UBE2E2: variants seen among roughly 807,000 people sequenced by gnomAD.
UBE2E2 encodes ubiquitin conjugating enzyme E2 E2.
A neutral mutation model predicts 24.7 loss-of-function variants in UBE2E2; 6 were observed. The observed-to-expected ratio is 0.24, with a 90% CI of 0.13 to 0.48. The LOEUF (loss-of-function observed/expected upper bound fraction) is 0.48. UBE2E2 is among the 20% of genes least tolerant of loss of function. The probability of loss-of-function intolerance (pLI) is 0.99; values close to 1 mark genes in which losing one functional copy is unlikely to be tolerated. For missense variants in UBE2E2, 169 were observed against 245.0 expected (o/e 0.69, Z 2.07); for synonymous variants, 104 against 83.6 (o/e 1.24, Z -1.33).
At chr3:23,534,921 TA>T (rs1247198005) in intron 5 of UBE2E2, among the ~76,000 whole-genome samples, 3 of 152,114 alleles carry the variant, frequency 2.0e-5, no homozygotes, top group Admixed American at 2.0e-4. Context: ...TTAACTCACT[TA>T]AAAAATACTT....
intron 3 of UBE2E2, among the ~76,000 whole-genome samples, chr3:23,349,497 G>T (rs565327248): frequency 6.6e-6 from 1 of 152,302 alleles, no homozygotes; most frequent in African/African-American, 2.4e-5. Flanking sequence ...AGGGGTGACA[G>T]ACGGCACCTG....
chr3:23,266,189 A>G (rs1357162641), intron 3 of UBE2E2, among the ~76,000 whole-genome samples: 2 of 152,122 alleles, frequency 1.3e-5, no homozygotes, highest in African/African-American at 2.4e-5. Context: ...TCCTGTCATT[A>G]TGATGTTAGT....
In UBE2E2 at chr3:23,485,406, C is replaced by T. The variant is rs141701257; in HGVS notation, c.228-14202C>T. 7.4e-4 allele frequency among the ~76,000 whole-genome samples: 113 copies of T among 152,262 alleles called. 1 individual carries two copies. The highest frequency in any genetic ancestry group is 2.3e-3 in the African/African-American group (97 of 41,564). On this transcript the variant is annotated intron_variant, in intron 3 of 5. Coordinates refer to ENST00000396703, the MANE Select transcript of UBE2E2 (RefSeq NM_152653.4). ...GCCTCCACGCCTGGCCTCAACACTA[C>T]CTCTTGTTGGCAATCAATCAATATC...
chr3:23,578,158 C>T (rs191653719), intron 5 of UBE2E2, among the ~76,000 whole-genome samples: 18 of 151,902 alleles, frequency 1.2e-4, no homozygotes, highest in African/African-American at 2.4e-4. Flanking sequence ...AGAAGACATA[C>T]GTGTGGCCAA....
rs1011678341 is a variant in UBE2E2 at position 23,453,844 on chromosome 3, A to G, written c.228-45764A>G. 8.5e-5 allele frequency among the ~76,000 whole-genome samples: 13 copies of G among 152,286 alleles called. No individual in the cohort carries two copies. The East Asian group carries it at 1.9e-3, about 23-fold the overall frequency. ...ATCTCTTCATTGTGAAGATGTTACA[A>G]ATATCTTGATAGGGGAAGAAACTTT... On this transcript the variant is annotated intron_variant, in intron 3 of 5. Transcript: ENST00000396703.
At chr3:23,249,537 A>G (rs746973929) in intron 3 of UBE2E2, among the ~76,000 whole-genome samples, 4 of 152,208 alleles carry the variant, frequency 2.6e-5, no homozygotes, top group Admixed American at 6.5e-5. Context: ...ATTCAGGATA[A>G]ACGTAGTTAA....
chr3:23,487,025 T>C (rs570864286), intron 3 of UBE2E2, among the ~76,000 whole-genome samples: 111 of 152,308 alleles, frequency 7.3e-4, no homozygotes, highest in African/African-American at 2.6e-3. Context: ...GTGCCCAGGC[T>C]GTCTATGCTG....
At chr3:23,221,840 T>G (rs1382341198) in intron 3 of UBE2E2, among the ~76,000 whole-genome samples, 1 of 152,212 alleles carries the variant, frequency 6.6e-6, no homozygotes, top group Non-Finnish European at 1.5e-5. Flanking sequence ...TTTCACCGTG[T>G]TGGCCAGGCT....
At chr3:23,353,940 G>T (rs1391952903) in intron 3 of UBE2E2, among the ~76,000 whole-genome samples, 1 of 152,114 alleles carries the variant, frequency 6.6e-6, no homozygotes, top group Non-Finnish European at 1.5e-5. Flanking sequence ...TCAGTCCTAA[G>T]CCAAAAGAAC....
At chr3:23,504,503 A>G (rs1405957733) in intron 4 of UBE2E2, among the ~76,000 whole-genome samples, 1 of 152,154 alleles carries the variant, frequency 6.6e-6, no homozygotes, top group Non-Finnish European at 1.5e-5. Flanking sequence ...GTTTTTGGTA[A>G]CGATTGACAA....
intron 3 of UBE2E2, among the ~76,000 whole-genome samples, chr3:23,469,609 A>G (rs1698992562): frequency 1.3e-5 from 2 of 152,030 alleles, no homozygotes; most frequent in Admixed American, 6.5e-5. Flanking sequence ...TAAATAAAGC[A>G]GAGTTGAACC....
rs182264402 is a variant in UBE2E2, at chr3:23,395,479, A to G, written c.228-104129A>G. Among the ~76,000 whole-genome samples the G allele has an allele frequency of 4.3e-3, 650 of 152,230 alleles. 7 individuals carry two copies. Among genetic ancestry groups the G allele is most frequent in the South Asian group, 9.3e-3 (45 of 4,818 alleles). On this transcript the variant is annotated intron_variant, in intron 3 of 5. Transcript: ENST00000396703. ...ATATAAGCTGTCTATAAGTTATCCA[A>G]CCTATCCGAGAAGCATTCAACAGTA...
chr3:23,554,977 T>C (rs568206413), intron 5 of UBE2E2, among the ~76,000 whole-genome samples: 12 of 152,136 alleles, frequency 7.9e-5, no homozygotes, highest in African/African-American at 2.9e-4. Flanking sequence ...AGTACAGTGA[T>C]GTGATCTCTG....
chr3:23,495,101 T>G (rs1366001995), intron 3 of UBE2E2, among the ~76,000 whole-genome samples: 1 of 152,218 alleles, frequency 6.6e-6, no homozygotes, highest in Non-Finnish European at 1.5e-5. Context: ...CAAGATAATT[T>G]GTTGCTACTG....
chr3:23,295,489 C>T (rs74507955), intron 3 of UBE2E2, among the ~76,000 whole-genome samples: 4,375 of 152,160 alleles, frequency 0.029, 109 homozygotes, highest in East Asian at 0.13. Flanking sequence ...CTCTGTCCAA[C>T]GGGGACAACA....
intron 5 of UBE2E2, among the ~76,000 whole-genome samples, chr3:23,555,654 A>G (rs1309850590): frequency 1.3e-5 from 2 of 152,152 alleles, no homozygotes; most frequent in Non-Finnish European, 1.5e-5. Context: ...TGGTGTATAC[A>G]TACATACATA....
At chr3:23,341,322 G>A (rs1013477372) in intron 3 of UBE2E2, among the ~76,000 whole-genome samples, 3 of 151,782 alleles carry the variant, frequency 2.0e-5, no homozygotes, top group Admixed American at 2.0e-4. Context: ...CTTTACAGTT[G>A]TTTAAGTACT....
chr3:23,562,298 A>C (rs1052168640), intron 5 of UBE2E2, among the ~76,000 whole-genome samples: 3 of 152,104 alleles, frequency 2.0e-5, no homozygotes, highest in African/African-American at 4.8e-5. Context: ...AATTTTGTCA[A>C]AGGCCTTTTC....
rs530075940 is a variant in UBE2E2, at chr3:23,255,350, T to A, written c.227+38038T>A. Among the ~76,000 whole-genome samples the A allele has an allele frequency of 1.5e-4, 23 of 151,748 alleles. 1 individual carries two copies. Among genetic ancestry groups the A allele is most frequent in the Non-Finnish European group, 2.9e-4 (20 of 67,984 alleles). ...CTCAAGCGATCCGTGTTCCTCAGCC[T>A]CCCAAAGTGCTGGGATTACAGGCGT... On this transcript the variant is annotated intron_variant, in intron 3 of 5. Transcript: ENST00000396703.
Sources: allele counts gnomAD v4.1 joint callset (sites outside exome capture counted in the v4.1 genomes callset), GRCh38; gene constraint gnomAD v4.1.1; transcripts MANE v1.5; gene names NCBI Gene and HGNC (gene_info 2026-07-23, HGNC 2026-07-21).